CHM: variants seen among roughly 807,000 people sequenced by gnomAD.
CHM encodes CHM Rab escort protein, also known as rab proteins geranylgeranyltransferase component A 1.
Under a neutral mutation model 49.0 loss-of-function variants are expected in CHM, and 10 were observed. The observed-to-expected ratio is 0.20, with a 90% CI of 0.13 to 0.35. CHM has a LOEUF of 0.35. Among genes scored for constraint, CHM ranks in the 10% least tolerant of loss-of-function variants. CHM has a pLI of 1.00. For synonymous variants in CHM, 184 were observed against 167.5 expected (o/e 1.10, Z -0.76); for missense variants, 455 against 478.4 (o/e 0.95, Z 0.46).
chrX:85,985,519 GGAAGC>G, intron 2 of CHM, among the ~76,000 whole-genome samples: 1 of 110,705 alleles, frequency 9.0e-6, no homozygotes, highest in East Asian at 2.9e-4. Flanking sequence ...AACCAGGGAC[GGAAGC>G]GGTCCACCAG....
At chrX:85,981,267 T>C (rs1418342709) in intron 3 of CHM, among the ~76,000 whole-genome samples, 2 of 97,871 alleles carry the variant, frequency 2.0e-5, no homozygotes, top group Admixed American at 1.1e-4. Context: ...AGAGTCTCAC[T>C]CTGTTGCCCA....
chrX:86,020,398 A>G (rs1933485057), intron 2 of CHM, among the ~76,000 whole-genome samples: 1 of 108,915 alleles, frequency 9.2e-6, no homozygotes, highest in Non-Finnish European at 1.9e-5. Flanking sequence ...AAAATCTAAA[A>G]CCTTTTGAGT....
intron 2 of CHM, among the ~76,000 whole-genome samples, chrX:85,992,872 A>G (rs765764728): frequency 2.2e-4 from 25 of 112,375 alleles, no homozygotes; most frequent in Non-Finnish European, 3.9e-4. Context: ...TCGTGTTCGC[A>G]GTCATTAGGG....
intron 2 of CHM, among the ~76,000 whole-genome samples, chrX:86,025,221 A>G (rs1010482446): frequency 8.9e-6 from 1 of 112,118 alleles, no homozygotes; most frequent in African/African-American, 3.2e-5. Context: ...TTATTATACT[A>G]TAATGTCTTA....
chrX:86,013,802 C>T (rs1933181001), intron 2 of CHM, among the ~76,000 whole-genome samples: 1 of 107,388 alleles, frequency 9.3e-6, no homozygotes, highest in Non-Finnish European at 2.0e-5. Flanking sequence ...CTTTAAAAAA[C>T]ATAACCAAAC....
At chrX:86,027,419 T>A in intron 2 of CHM, 72 bp downstream of exon 2, 1 of 811,628 alleles carries the variant, frequency 1.2e-6, no homozygotes, top group Non-Finnish European at 1.9e-6. Context: ...CAGACATATA[T>A]GTGTTTATGT....
intron 2 of CHM, among the ~76,000 whole-genome samples, chrX:85,985,822 C>T (rs1931873712): frequency 8.9e-6 from 1 of 111,796 alleles, no homozygotes; most frequent in Admixed American, 9.4e-5. Flanking sequence ...CATAGCAGCC[C>T]TACAGAAAAG....
intron 2 of CHM, among the ~76,000 whole-genome samples, chrX:86,026,097 A>ATTTTTTTTTTTTTTTTTT (rs1398285252): frequency 1.3e-4 from 4 of 30,483 alleles, no homozygotes; most frequent in South Asian, 2.3e-3. Context: ...AAGGTAGCAG[A>ATTTTTTTTTTTTTTTTTT]TTTTCTTTTT....
At chrX:85,952,895 T>C (rs1373997165) in intron 8 of CHM, among the ~76,000 whole-genome samples, 2 of 112,678 alleles carry the variant, frequency 1.8e-5, no homozygotes, top group Non-Finnish European at 3.8e-5. Context: ...GAAGGGTACT[T>C]GGGGTTTAAG....
At chrX:85,886,391 T>C (rs374535848) in intron 12 of CHM, among the ~76,000 whole-genome samples, 52 of 111,895 alleles carry the variant, frequency 4.6e-4, no homozygotes, top group South Asian at 2.2e-3. Context: ...TCAAAAGGTA[T>C]AGGAAAGTCA....
At chrX:85,966,475 A>G (rs1048183191) in intron 4 of CHM, among the ~76,000 whole-genome samples, 23 of 111,807 alleles carry the variant, frequency 2.1e-4, no homozygotes, top group Admixed American at 2.0e-3. Context: ...TGGCCATATA[A>G]GCACATAATA....
intron 8 of CHM, among the ~76,000 whole-genome samples, chrX:85,933,224 A>G (rs745763374): frequency 9.0e-6 from 1 of 111,272 alleles, no homozygotes; most frequent in South Asian, 3.8e-4. Context: ...CTCAAAAAAT[A>G]AAATAAAATA....
intron 4 of CHM, chrX:85,970,942 T>A: frequency 1.4e-6 from 1 of 730,930 alleles, no homozygotes; most frequent in Non-Finnish European, 1.6e-6. Flanking sequence ...TTTTAGTCTT[T>A]AGCCTGTTTT....
intron 2 of CHM, among the ~76,000 whole-genome samples, chrX:85,987,323 G>A (rs747777269): frequency 3.4e-4 from 38 of 111,447 alleles, no homozygotes; most frequent in Admixed American, 1.2e-3. Flanking sequence ...ACCCCTGCAA[G>A]ATTCTACACA....
chrX:86,006,067 G>C (rs752242334), intron 2 of CHM, among the ~76,000 whole-genome samples: 1 of 111,680 alleles, frequency 9.0e-6, no homozygotes, highest in South Asian at 3.8e-4. Flanking sequence ...TATCCACCAC[G>C]ATCAGGTCGG....
At chrX:85,964,830 C>T (rs73506443) in intron 4 of CHM, among the ~76,000 whole-genome samples, 1 of 106,162 alleles carries the variant, frequency 9.4e-6, no homozygotes, top group Non-Finnish European at 2.0e-5. Flanking sequence ...AGAACAGGCT[C>T]CCATTCAGTC....
rs777657825 is a variant in CHM at position 85,873,036 on chromosome X, A to T, written c.1770+16T>A. ...CAACATCTTAATACAAAACTGAGAAACATCAAGAGCCTTACCTGTTTGACT... is the reference window on the plus strand; with the variant it reads ...CAACATCTTAATACAAAACTGAGAATCATCAAGAGCCTTACCTGTTTGACT... On this transcript the variant is annotated intron_variant, in intron 14 of 14. Transcript: ENST00000357749. 6.7e-6 allele frequency: 8 copies of T among 1,200,191 alleles called. No individual in the cohort carries two copies. The highest frequency in any genetic ancestry group is 2.2e-5 in the Admixed American group (1 of 45,480).
intron 8 of CHM, among the ~76,000 whole-genome samples, chrX:85,920,318 G>A (rs1927717321): frequency 1.8e-5 from 2 of 110,350 alleles, no homozygotes; most frequent in Admixed American, 9.7e-5. Context: ...GGATGGTCTC[G>A]ATCTCCTGTC....
At position 85,900,634 on chromosome X, in the gene CHM, G is replaced by A. The variant is rs371078095; in HGVS notation, c.1413+12C>T. ...TACAACTTTTATTAAAAATATATAG[G>A]ACTGAATTTACCTGTTGATCTGAAT... is the stretch of plus-strand genomic sequence containing the variant. On this transcript the variant is annotated intron_variant, in intron 11 of 14. Coordinates refer to ENST00000357749, the MANE Select transcript of CHM (RefSeq NM_000390.4). 8.4e-6 allele frequency: 9 copies of A among 1,072,682 alleles called. No homozygotes were observed. The highest frequency in any genetic ancestry group is 1.2e-5 in the Non-Finnish European group (9 of 776,766). The allele number at this position is 1,072,682 out of a possible 1,213,427, so 88.4% of individuals were successfully genotyped here. A position where few individuals can be genotyped will look rare whatever the true frequency, so the allele number is the denominator to read the frequency against.
Sources: gnomAD v4.1 joint callset for allele counts (sites outside exome capture counted in the v4.1 genomes callset) on GRCh38, gnomAD v4.1.1 for gene constraint, MANE v1.5 for transcripts, NCBI Gene and HGNC (gene_info 2026-07-23, HGNC 2026-07-21) for gene names.